DYNLT1: variants seen among roughly 807,000 people sequenced by gnomAD.
DYNLT1 encodes dynein light chain Tctex-type 1, also known as T-complex testis-specific protein 1 homolog.
DYNLT1 carries 18 observed loss-of-function variants against 19.6 expected under a neutral mutation model. That is an observed-to-expected ratio of 0.92 (90% confidence interval 0.64 to 1.36). The LOEUF (loss-of-function observed/expected upper bound fraction) is 1.36, where lower values mean the gene tolerates loss of function less well. DYNLT1 is among the 40% of genes most tolerant of loss of function. The pLI, the probability that DYNLT1 is intolerant of heterozygous loss-of-function variation, is 0.00. For missense variants in DYNLT1, 137 were observed against 139.3 expected (o/e 0.98, Z 0.08); for synonymous variants, 56 against 44.0 (o/e 1.27, Z -1.07).
chr6:158,637,364 T>C, intron 3 of DYNLT1, 159 bp from the exon 4 acceptor site: 1 of 659,884 alleles, frequency 1.5e-6, no homozygotes, highest in Non-Finnish European at 2.7e-6. Context: ...TATTGACAAA[T>C]TATAGGTGCT....
intron 2 of DYNLT1, among the ~76,000 whole-genome samples, chr6:158,640,404 AG>A (rs1787111140): frequency 4.6e-5 from 7 of 152,168 alleles, no homozygotes; most frequent in Non-Finnish European, 8.8e-5. Flanking sequence ...CAATGGCTTT[AG>A]TATCTGTGCC....
At chr6:158,640,878 CT>C (rs1787121729) in intron 2 of DYNLT1, among the ~76,000 whole-genome samples, 3 of 152,186 alleles carry the variant, frequency 2.0e-5, no homozygotes, top group Admixed American at 1.3e-4. Context: ...CTCTCTTCCT[CT>C]TCATGATCAA....
intron 2 of DYNLT1, among the ~76,000 whole-genome samples, chr6:158,640,898 T>A (rs1787122220): frequency 6.6e-6 from 1 of 152,100 alleles, no homozygotes; most frequent in African/African-American, 2.4e-5. Context: ...AACAACACAA[T>A]AAAGTGTGAA....
At chr6:158,637,694 G>C (rs1787043666) in intron 3 of DYNLT1, 77 bp downstream of exon 3, 1 of 1,611,692 alleles carries the variant, frequency 6.2e-7, no homozygotes, top group South Asian at 1.1e-5. Flanking sequence ...GTTAGCTGTT[G>C]TTTCTGGTAC....
Position 158,641,359 on chromosome 6 carries a change from G to C in DYNLT1, c.29C>G (p.Thr10Ser), listed in dbSNP as rs781003631. The change falls in exon 2 of 5, where the codon ACT becomes AGT. Residue 10 changes from threonine (T) to serine (S), a missense_variant and splice_region_variant. Physicochemically the swap from Thr to Ser is moderately conservative, Grantham distance 58 (BLOSUM62 1). Transcript: ENST00000367089. MEDYQAAEE[T>S]AFVVDEVSNI... Reference sequence around the variant, plus strand: ...GCTCACTTCATCAACAACAAAAGCAGTCTGTAAGGAAGAACATTCAGTTAA... The same window carrying C: ...GCTCACTTCATCAACAACAAAAGCACTCTGTAAGGAAGAACATTCAGTTAA... 3 of 1,592,904 alleles carry C rather than the reference G, an allele frequency of 1.9e-6. No homozygotes were observed. In the South Asian group the frequency reaches 3.5e-5, roughly 18 times the overall value.
chr6:158,638,361 G>A (rs1480221941), intron 2 of DYNLT1, among the ~76,000 whole-genome samples: 1 of 152,162 alleles, frequency 6.6e-6, no homozygotes, highest in African/African-American at 2.4e-5. Flanking sequence ...ACCACATTAA[G>A]TGCATTTTTC....
intron 2 of DYNLT1, among the ~76,000 whole-genome samples, chr6:158,638,450 C>G (rs1787068197): frequency 6.6e-6 from 1 of 152,102 alleles, no homozygotes. Flanking sequence ...TTTTCTGAGG[C>G]AGGGTGTCAT....
intron 1 of DYNLT1, chr6:158,642,650 A>G (rs985890985): frequency 3.3e-5 from 5 of 152,144 alleles, no homozygotes; most frequent in African/African-American, 1.2e-4. Flanking sequence ...AAACCAACTC[A>G]CTGAGTGAAG....
At chr6:158,644,594 G>A (rs1030137285) in intron 1 of DYNLT1, 88 bp downstream of exon 1, 9 of 1,513,088 alleles carry the variant, frequency 5.9e-6, no homozygotes, top group Middle Eastern at 1.7e-4. Context: ...AAGGAGGTGG[G>A]CAGCCAGGCC....
chr6:158,641,335 C>T lies in DYNLT1; in HGVS notation c.53G>A (p.Ser18Asn). 1.3e-6 allele frequency: 2 copies of T among 1,597,394 alleles called. No individual in the cohort carries two copies. The highest frequency in any genetic ancestry group is 1.3e-5 in the African/African-American group (1 of 74,080). ...EETAFVVDEV[S>N]NIVKEAIESA... ...TCCTCTTACCTCTTTTACAATGTTGCTCACTTCATCAACAACAAAAGCAGT... is the reference window on the plus strand; with the variant it reads ...TCCTCTTACCTCTTTTACAATGTTGTTCACTTCATCAACAACAAAAGCAGT... Residue 18 changes from serine (S) to asparagine (N), a missense_variant, in exon 2 of 5, where the codon AGC becomes AAC. By Grantham distance (46) the Ser-to-Asn change is conservative. Coordinates refer to ENST00000367089, the MANE Select transcript of DYNLT1 (RefSeq NM_006519.4).
intron 2 of DYNLT1, 103 bp from the exon 3 acceptor site, chr6:158,637,997 T>C: frequency 6.6e-7 from 1 of 1,525,622 alleles, no homozygotes; most frequent in South Asian, 1.2e-5. Flanking sequence ...ATGAAAAGTT[T>C]ATTTTTAATC....
intron 1 of DYNLT1, chr6:158,642,150 G>A (rs1787148366): frequency 6.6e-6 from 1 of 152,156 alleles, no homozygotes; most frequent in Non-Finnish European, 1.5e-5. Flanking sequence ...ATTATCTCCA[G>A]GTAATTATTT....
chr6:158,640,007 C>T (rs982827432), intron 2 of DYNLT1, among the ~76,000 whole-genome samples: 1 of 152,152 alleles, frequency 6.6e-6, no homozygotes, highest in Non-Finnish European at 1.5e-5. Flanking sequence ...ATTGCACTTG[C>T]TAATTGAAAG....
intron 1 of DYNLT1, among the ~76,000 whole-genome samples, chr6:158,644,233 C>T (rs1408501530): frequency 6.6e-6 from 1 of 151,950 alleles, no homozygotes; most frequent in African/African-American, 2.4e-5. Context: ...TCACCCGCAC[C>T]TCCGCGGGGA....
chr6:158,636,845 G>A lies in DYNLT1; in HGVS notation c.324C>T (p.Ala108=). ...CTGCAGGTCAAATAGACAGTCCGAAGGCACTGACGATGCAGTACATGGTCT... is the reference window on the plus strand; with the variant it reads ...CTGCAGGTCAAATAGACAGTCCGAAAGCACTGACGATGCAGTACATGGTCT... The part of the protein sequence containing the change: ...ENKTMYCIVS[A]FGLSI The change falls in exon 5 of 5, where the codon GCC becomes GCT. Residue 108 remains alanine (A), a synonymous_variant. Coordinates refer to ENST00000367089, the MANE Select transcript of DYNLT1 (RefSeq NM_006519.4). 1.9e-6 allele frequency: 3 copies of A among 1,612,264 alleles called. No homozygotes were observed. In the Middle Eastern group the frequency reaches 5.1e-4, roughly 272 times the overall value.
rs1262783393 is a variant in DYNLT1, at chr6:158,637,183, C to G, written c.216G>C (p.Lys72Asn). Residue 72 changes from lysine (K) to asparagine (N), a missense_variant, in exon 4 of 5, where the codon AAG (lysine) becomes AAC (asparagine). By Grantham distance (94) the Lys-to-Asn change is moderately conservative. Coordinates refer to ENST00000367089, the MANE Select transcript of DYNLT1 (RefSeq NM_006519.4). The part of the protein sequence containing the change: ...KYIVTCVIMQ[K>N]NGAGLHTASS... Reference sequence around the variant, plus strand: ...TTGCTGTGTGTAATCCAGCTCCATTCTTCTGCATAATTACACAGGTCACTT... The same window carrying G: ...TTGCTGTGTGTAATCCAGCTCCATTGTTCTGCATAATTACACAGGTCACTT... 1.9e-6 allele frequency: 3 copies of G among 1,614,054 alleles called. No homozygotes were observed. Among genetic ancestry groups the G allele is most frequent in the Non-Finnish European group, 2.5e-6 (3 of 1,180,018 alleles).
intron 1 of DYNLT1, among the ~76,000 whole-genome samples, chr6:158,643,215 C>A (rs1260506612): frequency 6.6e-6 from 1 of 152,128 alleles, no homozygotes; most frequent in Non-Finnish European, 1.5e-5. Flanking sequence ...AAGTTTTACT[C>A]GATATTACTG....
chr6:158,641,240 C>A, intron 2 of DYNLT1, 79 bp downstream of exon 2: 1 of 1,355,964 alleles, frequency 7.4e-7, no homozygotes, highest in Non-Finnish European at 1.0e-6. Flanking sequence ...CGAAACAATT[C>A]CAAGATAGTA....
chr6:158,637,324 A>G, intron 3 of DYNLT1, 119 bp from the exon 4 acceptor site: 1 of 868,304 alleles, frequency 1.2e-6, no homozygotes, highest in Non-Finnish European at 1.8e-6. Context: ...CTCGATAAAA[A>G]TTATAGGGAC....
Sources: allele counts gnomAD v4.1 joint callset (sites outside exome capture counted in the v4.1 genomes callset), GRCh38; gene constraint gnomAD v4.1.1; transcripts MANE v1.5; gene names NCBI Gene and HGNC (gene_info 2026-07-23, HGNC 2026-07-21).